The following NUDCD1 variants were observed in gnomAD, a reference collection of about 807,000 sequenced individuals.
NUDCD1 encodes the protein NudC domain containing 1, also known as nudC domain-containing protein 1.
In NUDCD1, 60 loss-of-function variants were observed where a neutral mutation model predicts 67.8. The observed-to-expected ratio is 0.88, with a 90% CI of 0.72 to 1.10. The LOEUF (loss-of-function observed/expected upper bound fraction) is 1.10. Among genes scored for constraint, NUDCD1 ranks in the 50% least tolerant of loss-of-function variants. The probability of loss-of-function intolerance (pLI) is 0.00; values close to 1 mark genes in which losing one functional copy is unlikely to be tolerated. For synonymous variants in NUDCD1, 244 were observed against 230.8 expected (o/e 1.06, Z -0.52); for missense variants, 643 against 695.0 (o/e 0.93, Z 0.84).
intron 2 of NUDCD1, among the ~76,000 whole-genome samples, chr8:109,312,567 C>T (rs1815283932): frequency 6.6e-6 from 1 of 151,972 alleles, no homozygotes; most frequent in Admixed American, 6.6e-5. Context: ...ATAAGAATAC[C>T]TGCATATGTA....
chr8:109,281,748 C>T (rs767134357), intron 5 of NUDCD1, among the ~76,000 whole-genome samples: 1 of 152,188 alleles, frequency 6.6e-6, no homozygotes, highest in Non-Finnish European at 1.5e-5. Context: ...TCCAGGCATT[C>T]AAAGCACCTT....
chr8:109,304,088 T>A (rs1429795534), intron 2 of NUDCD1, among the ~76,000 whole-genome samples: 2 of 151,952 alleles, frequency 1.3e-5, no homozygotes, highest in African/African-American at 2.4e-5. Flanking sequence ...CCCTTTCCAA[T>A]CCTTAAAAAA....
At chr8:109,252,690 T>G (rs1813648880) in intron 8 of NUDCD1, among the ~76,000 whole-genome samples, 1 of 152,206 alleles carries the variant, frequency 6.6e-6, no homozygotes, top group Non-Finnish European at 1.5e-5. Flanking sequence ...TACATGGCAG[T>G]CCTCCTGTCT....
rs1814254395 is a variant in NUDCD1, at chr8:109,275,236, T to G, written c.1173+116A>C. The stretch of plus-strand genomic sequence containing the variant: ...AAACATCACTCAGATCAGTAGTATC[T>G]GATATGTATCTTTTATATTAGGAAA... On this transcript the variant is annotated intron_variant, in intron 7 of 9. Transcript: ENST00000239690. The G allele has an allele frequency of 5.8e-6, 5 of 869,358 alleles. No individual in the cohort carries two copies. In the East Asian group the frequency reaches 1.3e-4, roughly 22 times the overall value. The allele number at this position is 869,358 out of a possible 1,614,324, so 53.9% of individuals were successfully genotyped here.
intron 8 of NUDCD1, among the ~76,000 whole-genome samples, chr8:109,268,875 T>TCAC (rs1814072980): frequency 6.6e-6 from 1 of 152,150 alleles, no homozygotes; most frequent in Non-Finnish European, 1.5e-5. Flanking sequence ...GGGAATCATG[T>TCAC]ATGGGATTAT....
chr8:109,245,575 G>A lies in NUDCD1; in HGVS notation c.1300-94C>T, dbSNP rs1813475774. The A allele has an allele frequency of 4.4e-6, 4 of 915,586 alleles. No individual in the cohort carries two copies. In the Admixed American group the frequency reaches 7.5e-5, roughly 17 times the overall value. 56.7% of individuals were successfully genotyped at this position (915,586 alleles called of 1,614,324 possible). The stretch of plus-strand genomic sequence containing the variant: ...AGCTGACAGCCAGCATTAAGTGTCA[G>A]CAACTGTTTTATACTTTTTATATAC... On this transcript the variant is annotated intron_variant, in intron 8 of 9. Transcript: ENST00000239690.
chr8:109,271,965 G>A (rs1005604884), intron 7 of NUDCD1, among the ~76,000 whole-genome samples: 1 of 151,786 alleles, frequency 6.6e-6, no homozygotes, highest in Non-Finnish European at 1.5e-5. Flanking sequence ...TTTGGAAAAG[G>A]GAAGAAAAGA....
intron 5 of NUDCD1, among the ~76,000 whole-genome samples, chr8:109,286,595 G>A (rs528635440): frequency 7.2e-5 from 11 of 152,124 alleles, no homozygotes; most frequent in Admixed American, 5.2e-4. Flanking sequence ...AAATGAAACT[G>A]GTCCCCTACC....
chr8:109,250,441 T>G (rs117614170), intron 8 of NUDCD1, among the ~76,000 whole-genome samples: 4,608 of 152,194 alleles, frequency 0.03, 90 homozygotes, highest in Middle Eastern at 0.11. Context: ...TTTTTCATGG[T>G]GGTATTAGAA....
chr8:109,275,309 T>A, intron 7 of NUDCD1, 43 bp downstream of exon 7: 1 of 1,579,118 alleles, frequency 6.3e-7, no homozygotes. Flanking sequence ...CATAACATAT[T>A]TTTGGACCCT....
intron 7 of NUDCD1, among the ~76,000 whole-genome samples, chr8:109,274,698 C>G (rs1172533028): frequency 4.6e-5 from 7 of 152,014 alleles, no homozygotes; most frequent in Admixed American, 4.6e-4. Flanking sequence ...ATAATTTTTG[C>G]ACAGTCTTCC....
chr8:109,285,362 A>C (rs1814551068), intron 5 of NUDCD1, among the ~76,000 whole-genome samples: 1 of 152,122 alleles, frequency 6.6e-6, no homozygotes, highest in Non-Finnish European at 1.5e-5. Flanking sequence ...GACACACACA[A>C]AAAAACTACA....
intron 8 of NUDCD1, among the ~76,000 whole-genome samples, chr8:109,256,970 T>A (rs573818382): frequency 1.3e-5 from 2 of 151,926 alleles, no homozygotes; most frequent in South Asian, 2.1e-4. Flanking sequence ...CACCTCTTCA[T>A]GATAAAGAAA....
At chr8:109,252,063 G>C (rs1586250224) in intron 8 of NUDCD1, among the ~76,000 whole-genome samples, 1 of 152,130 alleles carries the variant, frequency 6.6e-6, no homozygotes, top group Non-Finnish European at 1.5e-5. Context: ...CCAAGCTTTA[G>C]GCCTTCACTG....
intron 4 of NUDCD1, among the ~76,000 whole-genome samples, chr8:109,291,924 A>T (rs2130025269): frequency 6.6e-6 from 1 of 152,266 alleles, no homozygotes; most frequent in South Asian, 2.1e-4. Context: ...CTCCTGTAAG[A>T]TTTTGAATTA....
At chr8:109,312,215 T>C (rs1321866027) in intron 2 of NUDCD1, among the ~76,000 whole-genome samples, 6 of 148,092 alleles carry the variant, frequency 4.1e-5, no homozygotes, top group Admixed American at 6.9e-5. Flanking sequence ...GGCAGGAGAA[T>C]TGCTTGAACA....
intron 3 of NUDCD1, 81 bp downstream of exon 3, chr8:109,296,303 G>T: frequency 8.8e-7 from 1 of 1,134,128 alleles, no homozygotes; most frequent in Non-Finnish European, 1.3e-6. Context: ...AACCATCCTT[G>T]AAAAGTGTCA....
chr8:109,246,138 T>C (rs1038659109), intron 8 of NUDCD1, among the ~76,000 whole-genome samples: 3 of 152,116 alleles, frequency 2.0e-5, no homozygotes, highest in African/African-American at 7.2e-5. Context: ...ACAAAACTGG[T>C]CCCTGGTGCC....
At position 109,317,553 on chromosome 8, in the gene NUDCD1, G is replaced by GTTT. The variant is rs1815429212; in HGVS notation, c.273+4755_273+4756insAAA. ...ATTATCCTATGAGAAAGGATCCACA[G>GTTT]GATCCATTGTTCTGTGGATTAAACA... is the stretch of plus-strand genomic sequence containing the variant. On this transcript the variant is annotated intron_variant, in intron 2 of 9. Transcript: ENST00000239690. Among the ~76,000 whole-genome samples, 7 of 150,102 alleles carry GTTT rather than the reference G, an allele frequency of 4.7e-5. 1 individual carries two copies. The South Asian group carries it at 1.4e-3, about 31-fold the overall frequency.
Sources: allele counts gnomAD v4.1 joint callset (sites outside exome capture counted in the v4.1 genomes callset), GRCh38; gene constraint gnomAD v4.1.1; transcripts MANE v1.5; gene names NCBI Gene and HGNC (gene_info 2026-07-23, HGNC 2026-07-21).